The following PROSER2 variants were observed in gnomAD, a reference collection of about 807,000 sequenced individuals.
The protein encoded by PROSER2 is proline and serine rich 2, also known as proline and serine-rich protein 2.
A neutral mutation model predicts 14.6 loss-of-function variants in PROSER2; 18 were observed. That is an observed-to-expected ratio of 1.23 (90% CI 0.85 to 1.83). PROSER2 has a LOEUF of 1.83. Ranked by LOEUF, PROSER2 falls within the 40% of genes most tolerant of loss-of-function variation. The probability of loss-of-function intolerance (pLI) is 0.00; values close to 1 mark genes in which losing one functional copy is unlikely to be tolerated. For synonymous variants in PROSER2, 367 were observed against 286.4 expected, an observed-to-expected ratio of 1.28 and a Z score of -2.84; for missense variants, 823 against 629.8, an observed-to-expected ratio of 1.31 and a Z score of -3.28.
chr10:11,851,944 C>T lies in PROSER2; in HGVS notation c.-81-53C>T, dbSNP rs536908910. ...AAGCCATGTTTTTGAGGGATTGAGG[C>T]GTTTTACAGTCTCGGCTTACTGACC... On this transcript the variant is annotated intron_variant, in intron 1 of 3. Transcript: ENST00000277570. 16 of 854,880 alleles carry T rather than the reference C, an allele frequency of 1.9e-5. No homozygotes were observed. The South Asian group carries it at 5.1e-4, about 27-fold the overall frequency. The allele number at this position is 854,880 out of a possible 1,614,324, so 53.0% of individuals were successfully genotyped here. A position where few individuals can be genotyped will look rare whatever the true frequency, so the allele number is the denominator to read the frequency against.
At position 11,836,010 on chromosome 10, in the gene PROSER2, A is replaced by G. The variant is rs1328535249; in HGVS notation, c.-82+12540A>G. ...AAGGGCTTGGCTGTTAAGTCACCAT[A>G]TAGGGATTTTGGGGGGATGTGGCTT... On this transcript the variant is annotated intron_variant, in intron 1 of 3. Transcript: ENST00000277570. This position sits in a 1 kb window ranked among gnomAD's most constrained non-coding sequence, Gnocchi z 4.6. 6.6e-6 allele frequency among the ~76,000 whole-genome samples: 1 copy of G among 151,954 alleles called. No homozygotes were observed. The highest frequency in any genetic ancestry group is 1.5e-5 in the Non-Finnish European group (1 of 67,978).
chr10:11,844,491 T>C (rs1833896595), intron 1 of PROSER2, among the ~76,000 whole-genome samples: 1 of 152,238 alleles, frequency 6.6e-6, no homozygotes, highest in Non-Finnish European at 1.5e-5. Context: ...CAAATACAAA[T>C]ATACATTCTT....
At chr10:11,827,887 A>G (rs960760416) in intron 1 of PROSER2, among the ~76,000 whole-genome samples, 1 of 152,106 alleles carries the variant, frequency 6.6e-6, no homozygotes, top group Admixed American at 6.6e-5. Flanking sequence ...TGTGTTGCAC[A>G]GAATGGTCTT....
chr10:11,845,354 A>T (rs1394286442), intron 1 of PROSER2, among the ~76,000 whole-genome samples: 5 of 152,060 alleles, frequency 3.3e-5, no homozygotes, highest in Non-Finnish European at 5.9e-5. Flanking sequence ...CAAGATTTGT[A>T]GCTGCTTTTA....
rs1410805378 is a variant in PROSER2, at chr10:11,856,122, G to C, written c.138+3907G>C. Among the ~76,000 whole-genome samples the C allele has an allele frequency of 6.6e-6, 1 of 152,188 alleles. No individual in the cohort carries two copies. Among genetic ancestry groups the C allele is most frequent in the Non-Finnish European group, 1.5e-5 (1 of 68,028 alleles). On this transcript the variant is annotated intron_variant, in intron 2 of 3. Coordinates refer to ENST00000277570, the MANE Select transcript of PROSER2 (RefSeq NM_153256.4). The surrounding 1 kb of genome is among the most constrained non-coding windows in gnomAD (Gnocchi z 5.3). Reference sequence around the variant, plus strand: ...AGGCGGTGCTTCCTGACAACGTCGGGAGTGTGCTTGTGGAGCTTACTACCT... The same window carrying C: ...AGGCGGTGCTTCCTGACAACGTCGGCAGTGTGCTTGTGGAGCTTACTACCT...
At chr10:11,867,264 CAAAAAAAAA>C (rs10560433) in intron 3 of PROSER2, among the ~76,000 whole-genome samples, 2 of 51,810 alleles carry the variant, frequency 3.9e-5, no homozygotes, top group South Asian at 1.1e-3. Context: ...GACTCCGTCT[CAAAAAAAAA>C]AAAAAAAAAA....
rs1392952355 is a variant in PROSER2 at position 11,870,953 on chromosome 10, C to T, written c.*547C>T. The T allele has an allele frequency of 1.3e-5, 2 of 153,528 alleles. No individual in the cohort carries two copies. Among genetic ancestry groups the T allele is most frequent in the Non-Finnish European group, 2.9e-5 (2 of 68,010 alleles). 9.5% of individuals were successfully genotyped at this position (153,528 alleles called of 1,614,324 possible). A position where few individuals can be genotyped will look rare whatever the true frequency, so the allele number is the denominator to read the frequency against. Reference sequence around the variant, plus strand: ...TACTTTGCTTTTGTTTCTTGACGTACTTTAGTTTGCCCAGTTTTGTTTTTT... The same window carrying T: ...TACTTTGCTTTTGTTTCTTGACGTATTTTAGTTTGCCCAGTTTTGTTTTTT... On this transcript the variant is annotated 3_prime_UTR_variant, in exon 4 of 4. Coordinates refer to ENST00000277570, the MANE Select transcript of PROSER2 (RefSeq NM_153256.4).
chr10:11,854,705 G>A (rs1834090141), intron 2 of PROSER2, among the ~76,000 whole-genome samples: 2 of 151,614 alleles, frequency 1.3e-5, no homozygotes, highest in Non-Finnish European at 2.9e-5. Context: ...TTACAGGCAT[G>A]TGTCACCATC....
intron 1 of PROSER2, among the ~76,000 whole-genome samples, chr10:11,844,854 TCA>T (rs754287374): frequency 5.9e-5 from 9 of 152,320 alleles, no homozygotes; most frequent in Non-Finnish European, 1.3e-4. Context: ...ACTCCTGACC[TCA>T]AGTGATCCGC....
rs983980194 is a variant in PROSER2, at chr10:11,862,785, T to C, written c.139-3746T>C. On this transcript the variant is annotated intron_variant, in intron 2 of 3. Transcript: ENST00000277570. This position sits in a 1 kb window ranked among gnomAD's most constrained non-coding sequence, Gnocchi z 4.2. ...ATGTGAAAAAATCCAGAACACTTCT[T>C]ATCCCAAACATTTCCGATGAGGAGT... 5.3e-5 allele frequency: 8 copies of C among 152,200 alleles called. No individual in the cohort carries two copies. Among genetic ancestry groups the C allele is most frequent in the African/African-American group, 1.9e-4 (8 of 41,440 alleles). 9.4% of individuals were successfully genotyped at this position (152,200 alleles called of 1,614,324 possible). A position where few individuals can be genotyped will look rare whatever the true frequency, so the allele number is the denominator to read the frequency against.
intron 1 of PROSER2, among the ~76,000 whole-genome samples, chr10:11,847,294 C>G (rs1179489312): frequency 2.6e-5 from 4 of 152,056 alleles, no homozygotes; most frequent in Non-Finnish European, 5.9e-5. Flanking sequence ...CCATCTGCTT[C>G]CAGGATTGCT....
In PROSER2 at chr10:11,863,346, C is replaced by G. The variant is rs147605246; in HGVS notation, c.139-3185C>G. Among the ~76,000 whole-genome samples the G allele has an allele frequency of 1.3e-3, 201 of 152,250 alleles. 1 individual carries two copies. Among genetic ancestry groups the G allele is most frequent in the African/African-American group, 4.7e-3 (195 of 41,544 alleles). ...GTGTGGAAAGCATCAGACTACACCACATGGATCAGCTCTCAATCACTTCTG... is the reference window on the plus strand; with the variant it reads ...GTGTGGAAAGCATCAGACTACACCAGATGGATCAGCTCTCAATCACTTCTG... On this transcript the variant is annotated intron_variant, in intron 2 of 3. Coordinates refer to ENST00000277570, the MANE Select transcript of PROSER2 (RefSeq NM_153256.4).
chr10:11,864,070 C>T (rs1834297369), intron 2 of PROSER2, among the ~76,000 whole-genome samples: 1 of 152,118 alleles, frequency 6.6e-6, no homozygotes, highest in African/African-American at 2.4e-5. Flanking sequence ...GAACAGCTGC[C>T]CTTCCTGACT....
At chr10:11,832,522 TG>T (rs1833701578) in intron 1 of PROSER2, among the ~76,000 whole-genome samples, 1 of 152,224 alleles carries the variant, frequency 6.6e-6, no homozygotes, top group African/African-American at 2.4e-5. Context: ...GAGGCGTTAC[TG>T]GGTTAGCGTG....
chr10:11,866,352 C>T lies in PROSER2; in HGVS notation c.139-179C>T, dbSNP rs1296601456. ...GTTGTTTGCTCTGCCTTTCGGAACA[C>T]GTTCTCTTCCATCTGGGTGATGGAG... is the stretch of plus-strand genomic sequence containing the variant. On this transcript the variant is annotated intron_variant, in intron 2 of 3. Transcript: ENST00000277570. This position sits in a 1 kb window ranked among gnomAD's most constrained non-coding sequence, Gnocchi z 6.0. Among the ~76,000 whole-genome samples, 4 of 152,168 alleles carry T rather than the reference C, an allele frequency of 2.6e-5. No homozygotes were observed. The highest frequency in any genetic ancestry group is 2.1e-4 in the South Asian group (1 of 4,824).
At chr10:11,864,219 G>A (rs141668102) in intron 2 of PROSER2, among the ~76,000 whole-genome samples, 174 of 152,254 alleles carry the variant, frequency 1.1e-3, no homozygotes, top group East Asian at 3.1e-3. Flanking sequence ...CAATTTATCC[G>A]GGTTTTGAGC....
Position 11,830,923 on chromosome 10 carries a change from G to A in PROSER2, c.-82+7453G>A, listed in dbSNP as rs1434279409. On this transcript the variant is annotated intron_variant, in intron 1 of 3. Transcript: ENST00000277570. This position sits in a 1 kb window ranked among gnomAD's most constrained non-coding sequence, Gnocchi z 4.5. Reference sequence around the variant, plus strand: ...AAGCAGCCTCTAGCTCCTGCCCAGAGAGGAGGTGGTTACTGGCCTCACCTT... The same window carrying A: ...AAGCAGCCTCTAGCTCCTGCCCAGAAAGGAGGTGGTTACTGGCCTCACCTT... Among the ~76,000 whole-genome samples, 1 of 152,194 alleles carries A rather than the reference G, an allele frequency of 6.6e-6. No homozygotes were observed. The highest frequency in any genetic ancestry group is 1.5e-5 in the Non-Finnish European group (1 of 68,040).
chr10:11,846,490 A>G (rs981508488), intron 1 of PROSER2, among the ~76,000 whole-genome samples: 4 of 152,052 alleles, frequency 2.6e-5, no homozygotes, highest in Non-Finnish European at 5.9e-5. Context: ...CTCTCTAGCT[A>G]TATTTGATCT....
At chr10:11,860,275 C>T (rs1178230675) in intron 2 of PROSER2, among the ~76,000 whole-genome samples, 1 of 152,148 alleles carries the variant, frequency 6.6e-6, no homozygotes, top group Non-Finnish European at 1.5e-5. Context: ...ATGTGAGAAT[C>T]TCAGGCTTCC....
Sources: allele counts gnomAD v4.1 joint callset (sites outside exome capture counted in the v4.1 genomes callset), GRCh38; gene constraint gnomAD v4.1.1; non-coding constraint Gnocchi (gnomAD v3.1); transcripts MANE v1.5; gene names NCBI Gene and HGNC (gene_info 2026-07-23, HGNC 2026-07-21).